The following ABCA6 variants were observed in gnomAD, a reference collection of about 807,000 sequenced individuals.
ABCA6 encodes the protein ATP-binding cassette sub-family A member 6.
ABCA6 carries 164 observed loss-of-function variants against 191.2 expected under a neutral mutation model. That is an observed-to-expected ratio of 0.86 (90% CI 0.76 to 0.98). The LOEUF (loss-of-function observed/expected upper bound fraction) is 0.98. Among genes scored for constraint, ABCA6 ranks in the 50% least tolerant of loss-of-function variants. The probability of loss-of-function intolerance (pLI) is 0.00; values close to 1 mark genes in which losing one functional copy is unlikely to be tolerated. For missense variants in ABCA6, 1,958 were observed against 1,894.1 expected (o/e 1.03, Z -0.63); for synonymous variants, 636 against 647.7 (o/e 0.98, Z 0.27).
chr17:69,116,118 A>G (rs768804148), intron 11 of ABCA6, among the ~76,000 whole-genome samples: 3 of 152,138 alleles, frequency 2.0e-5, no homozygotes, highest in Admixed American at 2.0e-4. Flanking sequence ...CGGGATTTAC[A>G]GATGTGAGCC....
chr17:69,115,396 C>T lies in ABCA6; in HGVS notation c.1586G>A (p.Gly529Glu). The T allele has an allele frequency of 6.2e-7, 1 of 1,609,600 alleles. No homozygotes were observed. The highest frequency in any genetic ancestry group is 8.5e-7 in the Non-Finnish European group (1 of 1,177,742). Residue 529 changes from glycine to glutamate, a missense_variant, in exon 12 of 39, where the codon GGA becomes GAA. Physicochemically the swap from Gly to Glu is moderately conservative, Grantham distance 98. Coordinates refer to ENST00000284425, the MANE Select transcript of ABCA6 (RefSeq NM_080284.3). ...CTCACCTTCTGTTGGAACAGACAAT[C>T]CATTAAGAATATTTAGCAGTGAAGA... is the stretch of plus-strand genomic sequence containing the variant. ...GKSSLLNILNGLSVPTEGSVT... is the reference protein window; with the variant it reads ...GKSSLLNILNELSVPTEGSVT...
chr17:69,133,305 C>G lies in ABCA6; in HGVS notation c.791+336G>C, dbSNP rs4441336. ...AGAAAACAAGCTGCAGTCAGGGCACCTGGGTTAGAGTCTCAGCTCCGGCAC... is the reference window on the plus strand; with the variant it reads ...AGAAAACAAGCTGCAGTCAGGGCACGTGGGTTAGAGTCTCAGCTCCGGCAC... On this transcript the variant is annotated intron_variant, in intron 6 of 38. Transcript: ENST00000284425. Among the ~76,000 whole-genome samples, 71 of 152,184 alleles carry G rather than the reference C, an allele frequency of 4.7e-4. 1 individual carries two copies. The highest frequency in any genetic ancestry group is 4.6e-4 in the Admixed American group (7 of 15,268).
intron 10 of ABCA6, among the ~76,000 whole-genome samples, chr17:69,119,468 TC>T (rs2073598276): frequency 1.3e-5 from 2 of 152,054 alleles, no homozygotes; most frequent in African/African-American, 4.8e-5. Context: ...TTCAGTTTAT[TC>T]CCCTAGAATC....
chr17:69,114,317 A>G, intron 13 of ABCA6, among the ~76,000 whole-genome samples: 1 of 151,290 alleles, frequency 6.6e-6, no homozygotes, highest in Non-Finnish European at 1.5e-5. Flanking sequence ...CGCAAGGACA[A>G]AAAACCAAAC....
intron 20 of ABCA6, 122 bp downstream of exon 20, chr17:69,105,340 C>T (rs943136230): frequency 2.3e-5 from 22 of 950,406 alleles, no homozygotes; most frequent in Non-Finnish European, 2.3e-5. Context: ...AAGGTGTTTT[C>T]TATAAATGAA....
intron 11 of ABCA6, among the ~76,000 whole-genome samples, chr17:69,117,600 C>G (rs928410305): frequency 6.6e-6 from 1 of 151,934 alleles, no homozygotes; most frequent in Non-Finnish European, 1.5e-5. Flanking sequence ...TCTAGATGTT[C>G]TTTCCTCACA....
At chr17:69,082,440 AG>A (rs780328489) in intron 36 of ABCA6, among the ~76,000 whole-genome samples, 102 of 152,284 alleles carry the variant, frequency 6.7e-4, no homozygotes, top group Middle Eastern at 3.4e-3. Context: ...ATTCCATTAA[AG>A]AAAGACTCTT....
At chr17:69,115,125 T>G (rs2144677871) in intron 12 of ABCA6, among the ~76,000 whole-genome samples, 188 bp from the exon 13 acceptor site, 1 of 152,244 alleles carries the variant, frequency 6.6e-6, no homozygotes, top group Non-Finnish European at 1.5e-5. Flanking sequence ...CTACTAATTA[T>G]TCTTGTTACA....
intron 8 of ABCA6, among the ~76,000 whole-genome samples, chr17:69,127,403 G>A (rs917287289): frequency 2.0e-5 from 3 of 151,984 alleles, no homozygotes; most frequent in Non-Finnish European, 2.9e-5. Flanking sequence ...ACATGTATAA[G>A]GAATTATCAT....
chr17:69,105,958 A>G, intron 19 of ABCA6, 70 bp downstream of exon 19: 1 of 1,469,096 alleles, frequency 6.8e-7, no homozygotes, highest in Non-Finnish European at 9.1e-7. Context: ...TTCTAGTTTT[A>G]AATTATCTTC....
chr17:69,107,775 T>G lies in ABCA6; in HGVS notation c.2310A>C (p.Gly770=). The G allele has an allele frequency of 6.2e-7, 1 of 1,612,616 alleles. No individual in the cohort carries two copies. Among genetic ancestry groups the G allele is most frequent in the Admixed American group, 1.7e-5 (1 of 59,818 alleles). ...ACATGGAAATGTCATAACCTGTCAC[T>G]CCCTGGTCAGAACACTTATCCAGAT... is the stretch of plus-strand genomic sequence containing the variant. ...FSDLDKCSDQ[G]VTGYDISMST... is the part of the protein sequence containing the mutation. Residue 770 remains glycine (G), a synonymous_variant, in exon 18 of 39, where the codon GGA becomes GGC. Coordinates refer to ENST00000284425, the MANE Select transcript of ABCA6 (RefSeq NM_080284.3).
intron 15 of ABCA6, 163 bp downstream of exon 15, chr17:69,113,059 G>C (rs2073460235): frequency 5.6e-6 from 4 of 714,024 alleles, no homozygotes; most frequent in Non-Finnish European, 7.9e-6. Context: ...TGTACAACCA[G>C]AAAGGAATTC....
At chr17:69,113,407 C>G (rs2073470737) in intron 14 of ABCA6, 47 bp from the exon 15 acceptor site, 1 of 1,563,460 alleles carries the variant, frequency 6.4e-7, no homozygotes, top group African/African-American at 1.4e-5. Context: ...TTCACATTAA[C>G]TGTATCCAGA....
chr17:69,135,959 T>C (rs915135373), intron 4 of ABCA6, 133 bp downstream of exon 4: 10 of 853,180 alleles, frequency 1.2e-5, no homozygotes, highest in African/African-American at 1.7e-5. Flanking sequence ...GACCTTGAAA[T>C]AAGTTCAGCA....
chr17:69,135,894 T>C (rs1033950456), intron 4 of ABCA6, 198 bp downstream of exon 4: 20 of 595,030 alleles, frequency 3.4e-5, no homozygotes, highest in South Asian at 4.4e-5. Flanking sequence ...TCAACACATA[T>C]ATGTTGGATG....
chr17:69,083,658 T>C (rs932827470), intron 34 of ABCA6, among the ~76,000 whole-genome samples: 1 of 152,220 alleles, frequency 6.6e-6, no homozygotes, highest in Non-Finnish European at 1.5e-5. Context: ...GTTCTATTGA[T>C]ACCTGCTGAA....
intron 8 of ABCA6, among the ~76,000 whole-genome samples, chr17:69,128,311 C>A (rs2073790774): frequency 6.6e-6 from 1 of 151,620 alleles, no homozygotes; most frequent in Non-Finnish European, 1.5e-5. Context: ...AATAAACTAG[C>A]AGATATTTTC....
chr17:69,125,332 C>T (rs1427441434), intron 8 of ABCA6, among the ~76,000 whole-genome samples: 1 of 151,526 alleles, frequency 6.6e-6, no homozygotes, highest in Non-Finnish European at 1.5e-5. Context: ...CTATTCTGGG[C>T]AACAAAGGAG....
chr17:69,110,146 A>G (rs775979441), intron 17 of ABCA6: 10 of 152,184 alleles, frequency 6.6e-5, no homozygotes, highest in Admixed American at 6.6e-5. Context: ...ATCGATGGCA[A>G]TTAGGTTTGG....
Sources: gnomAD v4.1 joint callset for allele counts (sites outside exome capture counted in the v4.1 genomes callset) on GRCh38, gnomAD v4.1.1 for gene constraint, MANE v1.5 for transcripts, NCBI Gene and HGNC (gene_info 2026-07-23, HGNC 2026-07-21) for gene names.